The following STK32C variants were observed in gnomAD, a reference collection of about 807,000 sequenced individuals.
STK32C encodes serine/threonine kinase 32C, also known as serine/threonine-protein kinase 32C.
A neutral mutation model predicts 56.5 loss-of-function variants in STK32C; 31 were observed. The ratio of observed to expected loss-of-function variants is 0.55; its 90% CI spans 0.41 to 0.74. The LOEUF (loss-of-function observed/expected upper bound fraction) is 0.74, where lower values mean the gene tolerates loss of function less well. Among genes scored for constraint, STK32C ranks in the 30% least tolerant of loss-of-function variants. The pLI, the probability that STK32C is intolerant of heterozygous loss-of-function variation, is 0.00. For synonymous variants in STK32C, 309 were observed against 289.4 expected, an observed-to-expected ratio of 1.07 and a Z score of -0.69; for missense variants, 544 against 676.9, an observed-to-expected ratio of 0.80 and a Z score of 2.18.
rs747599331 is a variant in STK32C, at chr10:132,228,235, G to A, written c.319-107C>T. ...CTGGGGACGCATCGTCAGGACACAA[G>A]GGGACACCTGGGGACGCGCCGCAGC... On this transcript the variant is annotated intron_variant, in intron 2 of 11. Coordinates refer to ENST00000298630, the MANE Select transcript of STK32C (RefSeq NM_173575.4). 18 of 1,413,540 alleles carry A rather than the reference G, an allele frequency of 1.3e-5. No homozygotes were observed. The South Asian group carries it at 2.0e-4, about 15-fold the overall frequency. The allele number at this position is 1,413,540 out of a possible 1,614,324, so 87.6% of individuals were successfully genotyped here.
At chr10:132,223,697 C>T (rs2062767980) in intron 8 of STK32C, among the ~76,000 whole-genome samples, 1 of 152,210 alleles carries the variant, frequency 6.6e-6, no homozygotes, top group Non-Finnish European at 1.5e-5. Flanking sequence ...GCTACAATTC[C>T]AGGGCAGGAG....
intron 1 of STK32C, among the ~76,000 whole-genome samples, chr10:132,315,314 C>G (rs900494541): frequency 1.3e-5 from 2 of 151,372 alleles, no homozygotes; most frequent in Non-Finnish European, 2.9e-5. Flanking sequence ...CTAAGGCCTG[C>G]TGGGGGTTTG....
In STK32C at chr10:132,222,923, G is replaced by T; in HGVS notation, c.1057C>A (p.Leu353Met). The change falls in exon 9 of 12, where the codon CTG becomes ATG. Residue 353 changes from leucine to methionine, a missense_variant. Transcript: ENST00000298630. ...AGGTGGTCCCACAGCACGCCGGCCA[G>T]CGCCGGGGCTGCCTGCACGTCCTGG... ...SLQDVQAAPA[L>M]AGVLWDHLSE... The T allele has an allele frequency of 6.4e-7, 1 of 1,559,518 alleles. No individual in the cohort carries two copies.
intron 1 of STK32C, among the ~76,000 whole-genome samples, chr10:132,296,921 G>T (rs1375786717): frequency 6.6e-6 from 1 of 152,250 alleles, no homozygotes; most frequent in Non-Finnish European, 1.5e-5. Context: ...GTCAGGGCCA[G>T]TGGGGAGACC....
intron 1 of STK32C, among the ~76,000 whole-genome samples, chr10:132,300,883 T>C (rs2065892840): frequency 6.6e-6 from 1 of 152,162 alleles, no homozygotes. Flanking sequence ...GGAGAAATGG[T>C]GGTTCACAGA....
intron 2 of STK32C, among the ~76,000 whole-genome samples, chr10:132,245,295 G>T (rs2063647245): frequency 6.6e-6 from 1 of 152,204 alleles, no homozygotes; most frequent in Non-Finnish European, 1.5e-5. Context: ...AGAGCTGCGC[G>T]CAGAAGCCGG....
In STK32C at chr10:132,222,960, C is replaced by G. The variant is rs2062736200; in HGVS notation, c.1020G>C (p.Arg340=). Reference sequence around the variant, plus strand: ...CCTGCACGTCCTGGAGGCTGGAGAGCCGGTGCTCGGGGTTCACAGTGAGGA... The same window carrying G: ...CCTGCACGTCCTGGAGGCTGGAGAGGCGGTGCTCGGGGTTCACAGTGAGGA... ...RKLLTVNPEH[R]LSSLQDVQAA... is the part of the protein sequence containing the mutation. Residue 340 remains arginine (R), a synonymous_variant, in exon 9 of 12, where the codon CGG becomes CGC. Transcript: ENST00000298630. 2 of 1,551,080 alleles carry G rather than the reference C, an allele frequency of 1.3e-6. No individual in the cohort carries two copies. Among genetic ancestry groups the G allele is most frequent in the Admixed American group, 1.9e-5 (1 of 52,172 alleles).
intron 1 of STK32C, among the ~76,000 whole-genome samples, chr10:132,283,657 C>T (rs1294996213): frequency 6.6e-6 from 1 of 152,142 alleles, no homozygotes; most frequent in East Asian, 1.9e-4. Flanking sequence ...CCAGCATCTG[C>T]AGAGCTGAAG....
At chr10:132,240,482 A>G (rs1167966221) in intron 2 of STK32C, among the ~76,000 whole-genome samples, 1 of 152,180 alleles carries the variant, frequency 6.6e-6, no homozygotes, top group Non-Finnish European at 1.5e-5. Context: ...GCACGGGGGC[A>G]TGGAGCTGGG....
chr10:132,228,141 G>A lies in STK32C; in HGVS notation c.319-13C>T, dbSNP rs2062959658. The A allele has an allele frequency of 1.9e-6, 3 of 1,613,922 alleles. No homozygotes were observed. The highest frequency in any genetic ancestry group is 2.5e-6 in the Non-Finnish European group (3 of 1,180,018). ...GCACAATGCACACCTGGAGGGCACAGGGCTGTTCGGCAGGACGCCTGAGGA... is the reference window on the plus strand; with the variant it reads ...GCACAATGCACACCTGGAGGGCACAAGGCTGTTCGGCAGGACGCCTGAGGA... On this transcript the variant is annotated splice_polypyrimidine_tract_variant and intron_variant, in intron 2 of 11. Coordinates refer to ENST00000298630, the MANE Select transcript of STK32C (RefSeq NM_173575.4).
In STK32C at chr10:132,222,711, G is replaced by A; in HGVS notation, c.1181C>T (p.Pro394Leu). The A allele has an allele frequency of 6.2e-7, 1 of 1,612,058 alleles. No individual in the cohort carries two copies. Among genetic ancestry groups the A allele is most frequent in the Non-Finnish European group, 8.5e-7 (1 of 1,179,388 alleles). Residue 394 changes from proline (P) to leucine (L), a missense_variant, in exon 10 of 12, where the codon CCC becomes CTC. Physicochemically the swap from Pro to Leu is moderately conservative, Grantham distance 98 (BLOSUM62 -3). This residue lies in a region of STK32C where 277 missense variants were observed against 309.3 expected (regional missense o/e 0.90). Coordinates refer to ENST00000298630, the MANE Select transcript of STK32C (RefSeq NM_173575.4). Reference protein sequence around the residue: ...ELEEMILESRPLHKKKKRLAK... With the variant: ...ELEEMILESRLLHKKKKRLAK... ...CAGACGCTTCTTCTTCTTGTGCAGG[G>A]GCCTGGACTCCAGGATCATCTCCTC...
At chr10:132,294,032 G>A (rs946200089) in intron 1 of STK32C, among the ~76,000 whole-genome samples, 7 of 152,312 alleles carry the variant, frequency 4.6e-5, no homozygotes, top group African/African-American at 7.2e-5. Context: ...TTGAACCTGC[G>A]GAACTGAGAC....
At chr10:132,305,553 G>C (rs778245021) in intron 1 of STK32C, among the ~76,000 whole-genome samples, 1 of 152,158 alleles carries the variant, frequency 6.6e-6, no homozygotes, top group East Asian at 1.9e-4. Context: ...CTGCCACGGG[G>C]CCACGAAAGT....
intron 1 of STK32C, among the ~76,000 whole-genome samples, chr10:132,274,079 A>T (rs770833046): frequency 6.6e-6 from 1 of 152,202 alleles, no homozygotes; most frequent in Non-Finnish European, 1.5e-5. Context: ...GCTGAGGTGC[A>T]GGGGTTGGGG....
At position 132,230,677 on chromosome 10, in the gene STK32C, GGC is replaced by G. The variant is rs1491268332; in HGVS notation, c.319-2551_319-2550del. On this transcript the variant is annotated intron_variant, in intron 2 of 11. Transcript: ENST00000298630. The stretch of plus-strand genomic sequence containing the variant: ...GGCTCTTGCTGCTGGGGGGGAAGCT[GGC>G]GGGGGGGGGGGGGCTGCAGAGCCCA... Among the ~76,000 whole-genome samples, 4 of 120,880 alleles carry G rather than the reference GGC, an allele frequency of 3.3e-5. 1 individual carries two copies. Among genetic ancestry groups the G allele is most frequent in the Non-Finnish European group, 7.1e-5 (4 of 56,146 alleles). The allele number at this position is 120,880 out of a possible 152,430, so 79.3% of individuals were successfully genotyped here. A position where few individuals can be genotyped will look rare whatever the true frequency, so the allele number is the denominator to read the frequency against.
At chr10:132,317,000 CAAAA>C (rs71472739) in intron 1 of STK32C, among the ~76,000 whole-genome samples, 1 of 81,738 alleles carries the variant, frequency 1.2e-5, no homozygotes, top group Non-Finnish European at 2.3e-5. Flanking sequence ...GACTCCATCT[CAAAA>C]AAAAAAAAAA....
chr10:132,311,057 C>T (rs969644500), upstream of STK32C, among the ~76,000 whole-genome samples: 2 of 152,134 alleles, frequency 1.3e-5, no homozygotes, highest in African/African-American at 4.8e-5. This position sits in a 1 kb window ranked among gnomAD's most constrained non-coding sequence, Gnocchi z 4.4. Flanking sequence ...TGACACCAGG[C>T]TTCATGTGCA....
intron 2 of STK32C, among the ~76,000 whole-genome samples, chr10:132,240,678 C>T (rs961585859): frequency 1.3e-5 from 2 of 152,098 alleles, no homozygotes; most frequent in African/African-American, 4.8e-5. Context: ...GAAATGCGGA[C>T]GCCGTGCGCC....
At chr10:132,315,099 A>C (rs559141650) in intron 1 of STK32C, among the ~76,000 whole-genome samples, 1 of 152,342 alleles carries the variant, frequency 6.6e-6, no homozygotes, top group Admixed American at 6.5e-5. Context: ...GCACCATTGC[A>C]TTCCAGCCTG....
Sources: allele counts gnomAD v4.1 joint callset (sites outside exome capture counted in the v4.1 genomes callset), GRCh38; gene constraint gnomAD v4.1.1; regional missense constraint gnomAD v4.1.1; non-coding constraint Gnocchi (gnomAD v3.1); transcripts MANE v1.5; gene names NCBI Gene and HGNC (gene_info 2026-07-23, HGNC 2026-07-21).